Variants in LINC02747 observed in about 807,000 individuals in gnomAD.
LINC02747 encodes the protein CCND1-upstream intergenic DNA repair 2.
At chr11:69,478,461 C>G (rs1312525601) in intron 1 of LINC02747, among the ~76,000 whole-genome samples, 1 of 152,204 alleles carries the variant, frequency 6.6e-6, no homozygotes, top group East Asian at 1.9e-4. Flanking sequence ...TGTCTTTCCT[C>G]ACTCACACCT....
At chr11:69,476,823 G>A (rs1356040749) in exon 2 of LINC02747, 1 of 152,250 alleles carries the variant, frequency 6.6e-6, no homozygotes, top group Non-Finnish European at 1.5e-5. Context: ...TAGGCCACAG[G>A]GAGCGCTTCT....
At chr11:69,481,177 G>C (rs1470764080) in intron 1 of LINC02747, among the ~76,000 whole-genome samples, 1 of 152,206 alleles carries the variant, frequency 6.6e-6, no homozygotes, top group Non-Finnish European at 1.5e-5. Flanking sequence ...CTTGACACAT[G>C]AGGAGGCACC....
intron 1 of LINC02747, among the ~76,000 whole-genome samples, chr11:69,477,772 G>T (rs1321385069): frequency 6.6e-6 from 1 of 152,208 alleles, no homozygotes; most frequent in Non-Finnish European, 1.5e-5. Context: ...AGCTGCCACA[G>T]CCTGGGATAG....
intron 1 of LINC02747, among the ~76,000 whole-genome samples, chr11:69,480,732 C>T (rs113275055): frequency 1.7e-3 from 253 of 152,332 alleles, no homozygotes; most frequent in African/African-American, 5.8e-3. Context: ...GGCACTGAGC[C>T]GGCACTGGGC....
At chr11:69,480,079 GA>G in intron 1 of LINC02747, 1 of 152,496 alleles carries the variant, frequency 6.6e-6, no homozygotes, top group Non-Finnish European at 1.5e-5. Flanking sequence ...GGCGTGGCTG[GA>G]AAAGCAGTCT....
intron 1 of LINC02747, among the ~76,000 whole-genome samples, chr11:69,480,240 G>A (rs891656079): frequency 5.9e-5 from 9 of 152,306 alleles, no homozygotes; most frequent in Admixed American, 1.3e-4. Flanking sequence ...AGCCCAGGCC[G>A]GAGCCAGCAG....
chr11:69,475,786 A>C (rs193119398), exon 2 of LINC02747: 1 of 152,052 alleles, frequency 6.6e-6, no homozygotes, highest in East Asian at 1.9e-4. Context: ...TAATTTCATC[A>C]CGGGGCCGCA....
chr11:69,479,636 T>C (rs1228132489), intron 1 of LINC02747: 1 of 152,246 alleles, frequency 6.6e-6, no homozygotes, highest in African/African-American at 2.4e-5. Flanking sequence ...GCCTCCAGCC[T>C]CTTGGCTTGC....
chr11:69,481,139 TG>T (rs1215067373), intron 1 of LINC02747, among the ~76,000 whole-genome samples: 1 of 152,192 alleles, frequency 6.6e-6, no homozygotes. Context: ...GAGCAGCCAC[TG>T]GGGCAGCCAG....
intron 1 of LINC02747, chr11:69,479,911 G>C (rs1857033422): frequency 6.6e-6 from 1 of 152,272 alleles, no homozygotes; most frequent in Non-Finnish European, 1.5e-5. Flanking sequence ...TCTCTTCCTT[G>C]AGTCAGAGTT....
intron 1 of LINC02747, among the ~76,000 whole-genome samples, chr11:69,480,253 G>C (rs1225416912): frequency 6.6e-6 from 1 of 152,184 alleles, no homozygotes; most frequent in Non-Finnish European, 1.5e-5. Context: ...GCCAGCAGCC[G>C]GTTCCCAACA....
chr11:69,476,849 C>G lies in LINC02747; in HGVS notation n.885G>C, dbSNP rs1015213815. The G allele has an allele frequency of 2.0e-5, 3 of 152,436 alleles. No individual in the cohort carries two copies. The South Asian group carries it at 6.2e-4, about 32-fold the overall frequency. 9.4% of individuals were successfully genotyped at this position (152,436 alleles called of 1,614,324 possible). ...GAGCGCTTCTTGGGGAAGCACATAG[C>G]GGGTGAGGGTTCCTGGGGTCCCGCC... On this transcript the variant is annotated non_coding_transcript_exon_variant, in exon 2 of 2. Transcript: ENST00000645449.
At chr11:69,481,208 C>T (rs1014043411) in intron 1 of LINC02747, among the ~76,000 whole-genome samples, 4 of 152,178 alleles carry the variant, frequency 2.6e-5, no homozygotes, top group Admixed American at 6.5e-5. Flanking sequence ...GCCACTCAGC[C>T]GATCTAGCGG....
chr11:69,480,991 G>C (rs1191773198), intron 1 of LINC02747, among the ~76,000 whole-genome samples: 1 of 152,220 alleles, frequency 6.6e-6, no homozygotes, highest in African/African-American at 2.4e-5. Flanking sequence ...CAGCCCGCTA[G>C]CAACTGTGTA....
exon 2 of LINC02747, chr11:69,476,098 C>T (rs1856990640): frequency 6.6e-6 from 1 of 151,070 alleles, no homozygotes; most frequent in South Asian, 2.1e-4. Flanking sequence ...CCTCCTGACC[C>T]AGAACATGGG....
exon 2 of LINC02747, chr11:69,476,517 C>T (rs12574166): frequency 0.14 from 22,002 of 151,914 alleles, 2,053 homozygotes; most frequent in East Asian, 0.31. Context: ...AAGTGGGGGT[C>T]TGGCTGTGAC....
At chr11:69,477,968 G>A (rs1857011934) in intron 1 of LINC02747, among the ~76,000 whole-genome samples, 1 of 152,288 alleles carries the variant, frequency 6.6e-6, no homozygotes, top group African/African-American at 2.4e-5. Context: ...GGTGGGGATG[G>A]GGCGAGGAAC....
chr11:69,476,285 G>GGGCCCT (rs1487882531), exon 2 of LINC02747: 1 of 152,144 alleles, frequency 6.6e-6, no homozygotes, highest in African/African-American at 2.4e-5. Context: ...CCCTTCCCTG[G>GGGCCCT]GGCCCTCCTG....
At chr11:69,480,612 C>A (rs1174511464) in intron 1 of LINC02747, among the ~76,000 whole-genome samples, 1 of 152,222 alleles carries the variant, frequency 6.6e-6, no homozygotes, top group Non-Finnish European at 1.5e-5. Flanking sequence ...CAACCCTCTT[C>A]TCTGTGAAAC....
Sources: allele counts gnomAD v4.1 joint callset (sites outside exome capture counted in the v4.1 genomes callset), GRCh38; gene constraint gnomAD v4.1.1; transcripts MANE v1.5; gene names NCBI Gene and HGNC (gene_info 2026-07-23, HGNC 2026-07-21).